Variants in ZNF704 observed in about 807,000 individuals in gnomAD.
ZNF704 encodes glucocorticoid induced gene 1.
A neutral mutation model predicts 44.7 loss-of-function variants in ZNF704; 10 were observed. That is an observed-to-expected ratio of 0.22 (90% CI 0.14 to 0.38). The LOEUF is 0.38. Ranked by LOEUF, ZNF704 falls within the 10% of genes least tolerant of loss-of-function variation. ZNF704 has a pLI of 1.00. For synonymous variants in ZNF704, 211 were observed against 207.6 expected (o/e 1.02, Z -0.14); for missense variants, 390 against 545.5 (o/e 0.71, Z 2.84).
At chr8:80,793,562 A>T (rs985201376) in intron 2 of ZNF704, among the ~76,000 whole-genome samples, 5 of 152,144 alleles carry the variant, frequency 3.3e-5, no homozygotes, top group African/African-American at 1.2e-4. Context: ...GTTTATGTAA[A>T]GCATAATATA....
chr8:80,833,510 T>C (rs904725791), intron 1 of ZNF704, among the ~76,000 whole-genome samples: 3 of 152,184 alleles, frequency 2.0e-5, no homozygotes, highest in Non-Finnish European at 4.4e-5. Flanking sequence ...CAGAAAAATA[T>C]GTTGGACGGC....
upstream of ZNF704, among the ~76,000 whole-genome samples, chr8:80,877,185 G>GAAA (rs5892744): frequency 3.0e-4 from 18 of 59,724 alleles, no homozygotes; most frequent in African/African-American, 5.2e-4. Context: ...CTCTGAATGG[G>GAAA]AAAAAAAAAA....
intron 2 of ZNF704, among the ~76,000 whole-genome samples, chr8:80,697,161 T>C (rs1224189803): frequency 6.6e-6 from 1 of 152,144 alleles, no homozygotes; most frequent in Non-Finnish European, 1.5e-5. Context: ...TCAAGGGTCC[T>C]ACGTGAGGGA....
intron 2 of ZNF704, among the ~76,000 whole-genome samples, chr8:80,816,041 A>G (rs1808171892): frequency 1.3e-5 from 2 of 152,230 alleles, no homozygotes; most frequent in South Asian, 4.1e-4. Flanking sequence ...TAAATCAGCC[A>G]GAGTCACTGT....
chr8:80,831,049 C>T (rs571195787), intron 1 of ZNF704, among the ~76,000 whole-genome samples: 3 of 151,860 alleles, frequency 2.0e-5, no homozygotes, highest in Admixed American at 6.6e-5. Context: ...CCACTGCACC[C>T]GGCCTAGAGG....
At chr8:80,784,669 T>C (rs1807585905) in intron 2 of ZNF704, among the ~76,000 whole-genome samples, 1 of 152,170 alleles carries the variant, frequency 6.6e-6, no homozygotes, top group Non-Finnish European at 1.5e-5. Context: ...TCCTTGCAAA[T>C]ATTTTCTCCC....
intron 1 of ZNF704, among the ~76,000 whole-genome samples, chr8:80,846,539 T>C (rs1292161271): frequency 6.6e-6 from 1 of 152,138 alleles, no homozygotes; most frequent in Non-Finnish European, 1.5e-5. Context: ...CAGTCTTCCA[T>C]GGAAAGCAAA....
rs1255897111 is a variant in ZNF704 at position 80,664,843 on chromosome 8, T to C, written c.899A>G (p.Tyr300Cys). ...PLSRSAPTTL[Y>C]LVHTDHAYQA... ...GTAAGCATGGTCAGTGTGCACGAGG[T>C]AGAGGGTGGTGGGAGCTGAGCGGCT... is the stretch of plus-strand genomic sequence containing the variant. The change falls in exon 6 of 9, where the codon TAC (tyrosine) becomes TGC (cysteine). Residue 300 changes from tyrosine (Y) to cysteine (C), a missense_variant. This residue lies in a region of ZNF704 where 305 missense variants were observed against 435.7 expected (regional missense o/e 0.70). Transcript: ENST00000327835. 1 of 1,614,074 alleles carries C rather than the reference T, an allele frequency of 6.2e-7. No individual in the cohort carries two copies. The highest frequency in any genetic ancestry group is 1.1e-5 in the South Asian group (1 of 91,072).
intron 1 of ZNF704, among the ~76,000 whole-genome samples, chr8:80,834,283 A>C (rs1808521549): frequency 6.6e-6 from 1 of 152,054 alleles, no homozygotes; most frequent in Non-Finnish European, 1.5e-5. Flanking sequence ...TTTCAGTTAC[A>C]AAAAAAAGTG....
At position 80,717,357 on chromosome 8, in the gene ZNF704, G is replaced by A. The variant is rs540563663; in HGVS notation, c.222-24250C>T. On this transcript the variant is annotated intron_variant, in intron 2 of 8. Coordinates refer to ENST00000327835, the MANE Select transcript of ZNF704 (RefSeq NM_001033723.3). ...ATGCCAGGCACTGAGGATGCAGCGA[G>A]CTGCATTCCTGAAGCTTATATTTTA... 4.6e-5 allele frequency among the ~76,000 whole-genome samples: 7 copies of A among 152,350 alleles called. No homozygotes were observed. In the South Asian group the frequency reaches 1.4e-3, roughly 32 times the overall value.
intron 2 of ZNF704, among the ~76,000 whole-genome samples, chr8:80,745,270 A>G (rs1410940571): frequency 6.6e-6 from 1 of 152,140 alleles, no homozygotes; most frequent in Non-Finnish European, 1.5e-5. Context: ...GCCATGTCAC[A>G]TTGTATTTTT....
At chr8:80,849,814 A>G (rs1297312292) in intron 1 of ZNF704, among the ~76,000 whole-genome samples, 1 of 152,186 alleles carries the variant, frequency 6.6e-6, no homozygotes, top group East Asian at 1.9e-4. Flanking sequence ...AGTTTTTTAC[A>G]TTTGGGAATA....
At chr8:80,696,711 C>A (rs139371711) in intron 2 of ZNF704, among the ~76,000 whole-genome samples, 6 of 152,326 alleles carry the variant, frequency 3.9e-5, no homozygotes, top group African/African-American at 1.4e-4. Context: ...AGCCAATGCG[C>A]CCGGCCAGAT....
intron 2 of ZNF704, among the ~76,000 whole-genome samples, chr8:80,787,774 T>G (rs900173051): frequency 6.6e-6 from 1 of 152,164 alleles, no homozygotes; most frequent in Non-Finnish European, 1.5e-5. Context: ...CAGTTCACAT[T>G]GCACCTTATA....
the ZNF704 span, among the ~76,000 whole-genome samples, chr8:80,884,390 C>T: frequency 6.6e-6 from 1 of 152,134 alleles, no homozygotes; most frequent in Non-Finnish European, 1.5e-5. Context: ...CCATATAAAC[C>T]CCATTATCCT....
chr8:80,817,768 TA>T (rs1182010511), intron 2 of ZNF704, among the ~76,000 whole-genome samples: 2 of 152,260 alleles, frequency 1.3e-5, no homozygotes, highest in African/African-American at 4.8e-5. Flanking sequence ...AAGATATCAA[TA>T]AAAAAATTGG....
At chr8:80,797,481 G>C (rs959260194) in intron 2 of ZNF704, among the ~76,000 whole-genome samples, 1 of 151,958 alleles carries the variant, frequency 6.6e-6, no homozygotes, top group African/African-American at 2.4e-5. Flanking sequence ...CTGTGGGCCT[G>C]CACAATTAAC....
chr8:80,733,311 C>T (rs1044988560), intron 2 of ZNF704, among the ~76,000 whole-genome samples: 3 of 152,158 alleles, frequency 2.0e-5, no homozygotes, highest in Non-Finnish European at 2.9e-5. Context: ...TTCCCATGCA[C>T]ACTGCCTTAT....
chr8:80,695,738 T>C (rs936933369), intron 2 of ZNF704, among the ~76,000 whole-genome samples: 2 of 152,358 alleles, frequency 1.3e-5, no homozygotes, highest in South Asian at 4.1e-4. Flanking sequence ...ACATTTATTT[T>C]GCATTGCGAA....
Sources: gnomAD v4.1 joint callset for allele counts (sites outside exome capture counted in the v4.1 genomes callset) on GRCh38, gnomAD v4.1.1 for gene constraint, gnomAD v4.1.1 regional missense constraint, MANE v1.5 for transcripts, NCBI Gene and HGNC (gene_info 2026-07-23, HGNC 2026-07-21) for gene names.